The following LAMA1 variants were observed in gnomAD, a reference collection of about 807,000 sequenced individuals.
LAMA1 encodes laminin subunit alpha 1, also known as laminin subunit alpha-1.
LAMA1 carries 219 observed loss-of-function variants against 348.7 expected under a neutral mutation model. That is an observed-to-expected ratio of 0.63 (90% CI 0.56 to 0.70). The LOEUF (loss-of-function observed/expected upper bound fraction) is 0.70. Among genes scored for constraint, LAMA1 ranks in the 30% least tolerant of loss-of-function variants. The pLI, the probability that LAMA1 is intolerant of heterozygous loss-of-function variation, is 0.00. For synonymous variants in LAMA1, 1,487 were observed against 1,491.0 expected (o/e 1.00, Z 0.06); for missense variants, 3,744 against 3,888.0 (o/e 0.96, Z 0.99).
rs974837405 is a variant in LAMA1, at chr18:6,941,858, C to A, written c.*221G>T. On this transcript the variant is annotated 3_prime_UTR_variant, in exon 63 of 63. Coordinates refer to ENST00000389658, the MANE Select transcript of LAMA1 (RefSeq NM_005559.4). ...GTGTATAAAGATTTTTTTAAAAATA[C>A]GTTTAAAAAGAGAGCCAGGGAATTC... 1.8e-6 allele frequency: 1 copy of A among 551,470 alleles called. No individual in the cohort carries two copies. The highest frequency in any genetic ancestry group is 3.2e-6 in the Non-Finnish European group (1 of 309,906). 34.2% of individuals were successfully genotyped at this position (551,470 alleles called of 1,614,324 possible).
intron 18 of LAMA1, 44 bp downstream of exon 18, chr18:7,024,336 T>C: frequency 4.1e-6 from 6 of 1,462,692 alleles, no homozygotes; most frequent in Non-Finnish European, 5.7e-6. Flanking sequence ...ATAGAATTTA[T>C]ATTTAATTTC....
At chr18:7,015,102 T>C (rs1157144580) in intron 22 of LAMA1, among the ~76,000 whole-genome samples, 3 of 152,130 alleles carry the variant, frequency 2.0e-5, no homozygotes, top group Non-Finnish European at 4.4e-5. Flanking sequence ...CCCACCTCGG[T>C]CTCCCAAAGT....
chr18:7,045,806 G>A (rs553329227), intron 6 of LAMA1, among the ~76,000 whole-genome samples: 134 of 152,038 alleles, frequency 8.8e-4, no homozygotes, highest in Non-Finnish European at 1.3e-3. Context: ...TGATCCACCC[G>A]CCTCTGCCTC....
At chr18:7,017,004 T>G (rs1459771970) in intron 20 of LAMA1, among the ~76,000 whole-genome samples, 2 of 152,166 alleles carry the variant, frequency 1.3e-5, no homozygotes, top group Non-Finnish European at 2.9e-5. Context: ...CTGATGATTT[T>G]ATAAGTGTTG....
chr18:7,037,912 A>T (rs1160647644), intron 11 of LAMA1, among the ~76,000 whole-genome samples, 161 bp from the exon 12 acceptor site: 1 of 151,984 alleles, frequency 6.6e-6, no homozygotes, highest in Non-Finnish European at 1.5e-5. Flanking sequence ...ATGACCCTTG[A>T]CCCTTCCACT....
At chr18:6,946,142 A>C (rs1032265075) in intron 61 of LAMA1, among the ~76,000 whole-genome samples, 1 of 152,216 alleles carries the variant, frequency 6.6e-6, no homozygotes, top group African/African-American at 2.4e-5. Flanking sequence ...CATTAAAAAA[A>C]AATTATAGCA....
chr18:6,972,966 C>G, intron 47 of LAMA1, 91 bp downstream of exon 47: 1 of 1,460,194 alleles, frequency 6.8e-7, no homozygotes, highest in Non-Finnish European at 9.6e-7. Context: ...TCTGGGATTA[C>G]AGGCGTGAGC....
Position 6,976,013 on chromosome 18 carries a change from T to C in LAMA1, c.6413A>G (p.Asn2138Ser), listed in dbSNP as rs747754402. 58 of 1,614,076 alleles carry C rather than the reference T, an allele frequency of 3.6e-5. No homozygotes were observed. Among genetic ancestry groups the C allele is most frequent in the Non-Finnish European group, 4.8e-5 (57 of 1,180,028 alleles). ...AACATTTAGTGTTAAGGTATTGTAG[T>C]TGGTAGAGGAAATCTGAGGCTGGTA... Reference protein sequence around the residue: ...RAYQPQISSTNYNTLTLNVKT... With the variant: ...RAYQPQISSTSYNTLTLNVKT... Residue 2138 changes from asparagine to serine, a missense_variant, in exon 45 of 63, where the codon AAC becomes AGC. By Grantham distance (46) the Asn-to-Ser change is conservative (BLOSUM62 1). Transcript: ENST00000389658.
At position 6,993,723 on chromosome 18, in the gene LAMA1, C is replaced by G; in HGVS notation, c.4926G>C (p.Lys1642Asn). The change falls in exon 35 of 63, where the codon AAG (lysine) becomes AAC (asparagine). Residue 1642 changes from lysine (K) to asparagine (N), a missense_variant. Around this residue, in one of 3 missense-constraint regions of LAMA1, gnomAD observed 1,983 missense variants for 1,934.3 expected, o/e 1.03. Coordinates refer to ENST00000389658, the MANE Select transcript of LAMA1 (RefSeq NM_005559.4). The stretch of plus-strand genomic sequence containing the variant: ...AGATTCTCTCAGTTGCCCTATTCAC[C>G]TTTTGGGTACTCGCTAACATCCTAG... ...KLTRMLASTQ[K>N]VNRATERIFK... 1 of 1,613,782 alleles carries G rather than the reference C, an allele frequency of 6.2e-7. No homozygotes were observed. Among genetic ancestry groups the G allele is most frequent in the East Asian group, 2.2e-5 (1 of 44,864 alleles).
intron 3 of LAMA1, among the ~76,000 whole-genome samples, chr18:7,074,962 A>G (rs1318943840): frequency 2.2e-5 from 3 of 134,754 alleles, no homozygotes; most frequent in African/African-American, 5.6e-5. Flanking sequence ...CCTAATACAT[A>G]GAGGCAAAAA....
chr18:7,029,977 G>GAA (rs528720316), intron 16 of LAMA1, among the ~76,000 whole-genome samples: 17,489 of 145,646 alleles, frequency 0.12, 1,116 homozygotes, highest in Middle Eastern at 0.16. Flanking sequence ...CAATATATTA[G>GAA]AAAAAAAAAA....
chr18:6,950,854 G>A lies in LAMA1; in HGVS notation c.8325C>T (p.Phe2775=). The A allele has an allele frequency of 6.2e-7, 1 of 1,614,192 alleles. No individual in the cohort carries two copies. The highest frequency in any genetic ancestry group is 8.5e-7 in the Non-Finnish European group (1 of 1,180,036). Reference sequence around the variant, plus strand: ...TTCTGCCTTTGCCAAGGTCAAACATGAAGTGGAGGCGGCCCCCGTGCAGCT... The same window carrying A: ...TTCTGCCTTTGCCAAGGTCAAACATAAAGTGGAGGCGGCCCCCGTGCAGCT... The part of the protein sequence containing the change: ...VLQLHGGRLH[F]MFDLGKGRTK... Residue 2775 remains phenylalanine, a synonymous_variant, in exon 58 of 63, where the codon TTC becomes TTT. Transcript: ENST00000389658.
chr18:7,002,728 T>C (rs551151370), intron 29 of LAMA1, among the ~76,000 whole-genome samples: 1 of 152,202 alleles, frequency 6.6e-6, no homozygotes, highest in South Asian at 2.1e-4. Flanking sequence ...AAGCACCAGT[T>C]TTGCACACAG....
chr18:7,085,610 G>A (rs2058213021), intron 1 of LAMA1, among the ~76,000 whole-genome samples: 1 of 151,526 alleles, frequency 6.6e-6, no homozygotes, highest in Admixed American at 6.6e-5. Flanking sequence ...AGTAGAGATG[G>A]GGTTTCACCA....
chr18:7,078,798 C>T (rs1235360950), intron 3 of LAMA1, among the ~76,000 whole-genome samples: 1 of 151,806 alleles, frequency 6.6e-6, no homozygotes, highest in Non-Finnish European at 1.5e-5. Flanking sequence ...ACCATCCTGG[C>T]CAACATAGTG....
chr18:6,992,620 T>TA lies in LAMA1; in HGVS notation c.5108dup (p.Glu1704ArgfsTer18). 6 of 1,614,170 alleles carry TA rather than the reference T, an allele frequency of 3.7e-6. No individual in the cohort carries two copies. Among genetic ancestry groups the TA allele is most frequent in the Non-Finnish European group, 5.1e-6 (6 of 1,179,968 alleles). On this transcript the variant is annotated frameshift_variant, in exon 36 of 63. Coordinates refer to ENST00000389658, the MANE Select transcript of LAMA1 (RefSeq NM_005559.4). LOFTEE classifies it high-confidence loss of function. Reference sequence around the variant, plus strand: ...TGAAGTCTCTTATCTGCATGATTTCTAGCAAAGATGTACCATTCTGTTGCA... The same window carrying TA: ...TGAAGTCTCTTATCTGCATGATTTCTAAGCAAAGATGTACCATTCTGTTGCA...
At chr18:7,017,206 G>C (rs2057892834) in intron 20 of LAMA1, 72 bp downstream of exon 20, 2 of 1,178,600 alleles carry the variant, frequency 1.7e-6, no homozygotes, top group Non-Finnish European at 2.5e-6. Context: ...TGGGGACTTA[G>C]CTCCTTCTGA....
At chr18:7,103,183 C>T (rs923041306) in intron 1 of LAMA1, among the ~76,000 whole-genome samples, 5 of 152,038 alleles carry the variant, frequency 3.3e-5, no homozygotes, top group Non-Finnish European at 7.4e-5. Context: ...TTTGGGAGGC[C>T]GAGGCAGGCG....
Position 6,999,637 on chromosome 18 carries a change from A to T in LAMA1, c.4471T>A (p.Cys1491Ser). Residue 1491 changes from cysteine (C) to serine (S), a missense_variant and splice_region_variant, in exon 32 of 63, where the codon TGC (cysteine) becomes AGC (serine). Physicochemically the swap from Cys to Ser is moderately radical, Grantham distance 112. This residue lies in a region of LAMA1 where 1,983 missense variants were observed against 1,934.3 expected (regional missense o/e 1.03). Coordinates refer to ENST00000389658, the MANE Select transcript of LAMA1 (RefSeq NM_005559.4). Reference sequence around the variant, plus strand: ...GGGTTCCCATAATAGCTTGAGGAGCACCTACAGAAAGGAAGGGACATAGGT... The same window carrying T: ...GGGTTCCCATAATAGCTTGAGGAGCTCCTACAGAAAGGAAGGGACATAGGT... The part of the protein sequence containing the change: ...LGYEGKHCER[C>S]SSSYYGNPQT... 1 of 1,608,694 alleles carries T rather than the reference A, an allele frequency of 6.2e-7. No individual in the cohort carries two copies. Among genetic ancestry groups the T allele is most frequent in the East Asian group, 2.2e-5 (1 of 44,734 alleles).
Sources: gnomAD v4.1 joint callset for allele counts (sites outside exome capture counted in the v4.1 genomes callset) on GRCh38, gnomAD v4.1.1 for gene constraint, gnomAD v4.1.1 regional missense constraint, MANE v1.5 for transcripts, NCBI Gene and HGNC (gene_info 2026-07-23, HGNC 2026-07-21) for gene names.